Variants in PLA2G5 observed in about 807,000 individuals in gnomAD.
PLA2G5 encodes phospholipase A2 group V, also known as Ca2+-dependent phospholipase A2.
Under a neutral mutation model 15.9 loss-of-function variants are expected in PLA2G5, and 12 were observed. The ratio of observed to expected loss-of-function variants is 0.76; its 90% CI spans 0.48 to 1.23. PLA2G5 has a LOEUF of 1.23. Among genes scored for constraint, PLA2G5 ranks in the 50% most tolerant of loss-of-function variants. PLA2G5 has a pLI of 0.00. For synonymous variants in PLA2G5, 71 were observed against 71.4 expected, an observed-to-expected ratio of 0.99 and a Z score of 0.03; for missense variants, 169 against 177.1, an observed-to-expected ratio of 0.95 and a Z score of 0.26.
chr1:20,091,357 T>C lies in PLA2G5; in HGVS notation c.*665T>C, dbSNP rs1048613561. Among the ~76,000 whole-genome samples the C allele has an allele frequency of 6.6e-6, 1 of 152,178 alleles. No homozygotes were observed. Among genetic ancestry groups the C allele is most frequent in the Admixed American group, 6.5e-5 (1 of 15,274 alleles). On this transcript the variant is annotated 3_prime_UTR_variant, in exon 5 of 5. Coordinates refer to ENST00000375108, the MANE Select transcript of PLA2G5 (RefSeq NM_000929.3). ...TCTTACACCTTGGGGTCCTCTCCAG[T>C]ATTGGGTCTCATTCTTCCTCGATGG...
chr1:20,041,579 A>G (rs2013600768), intron 1 of PLA2G5, among the ~76,000 whole-genome samples: 1 of 152,206 alleles, frequency 6.6e-6, no homozygotes, highest in African/African-American at 2.4e-5. Flanking sequence ...AGACTAGCAG[A>G]TAGAACACTG....
intron 3 of PLA2G5, among the ~76,000 whole-genome samples, chr1:20,088,415 C>T (rs146878671): frequency 4.1e-3 from 601 of 147,882 alleles, no homozygotes; most frequent in African/African-American, 0.014. Flanking sequence ...CAGTGGGATC[C>T]TGGGACAGAA....
intron 1 of PLA2G5, among the ~76,000 whole-genome samples, chr1:20,029,707 G>A (rs907502493): frequency 1.3e-5 from 2 of 152,228 alleles, no homozygotes; most frequent in Non-Finnish European, 1.5e-5. Context: ...CAGCACTTAC[G>A]TATCAGTCCT....
intron 1 of PLA2G5, among the ~76,000 whole-genome samples, chr1:20,034,804 C>T (rs1000468890): frequency 1.3e-5 from 2 of 152,140 alleles, no homozygotes; most frequent in African/African-American, 4.8e-5. Context: ...ATTCTGAGTG[C>T]ATCCCCTAAG....
intron 1 of PLA2G5, among the ~76,000 whole-genome samples, chr1:20,047,271 C>T (rs983596263): frequency 2.0e-5 from 3 of 151,976 alleles, no homozygotes; most frequent in African/African-American, 7.3e-5. Flanking sequence ...AGTGGTGACA[C>T]ACTGTGGAGT....
At chr1:20,073,150 T>C (rs3767225) in intron 1 of PLA2G5, among the ~76,000 whole-genome samples, 51,265 of 152,006 alleles carry the variant, frequency 0.34, 9,632 homozygotes, top group Middle Eastern at 0.44. Flanking sequence ...ACATTAACCA[T>C]GTGGAAAAAC....
rs907792019 is a variant in PLA2G5, at chr1:20,090,723, A to T, written c.*31A>T. 9 of 1,612,254 alleles carry T rather than the reference A, an allele frequency of 5.6e-6. No homozygotes were observed. Among genetic ancestry groups the T allele is most frequent in the Non-Finnish European group, 7.6e-6 (9 of 1,178,596 alleles). ...CCCAGCGAGCTCCTCCCAGACCAAG[A>T]CTTTTGTTCTGTTTTTCTACAACAC... On this transcript the variant is annotated 3_prime_UTR_variant, in exon 5 of 5. Coordinates refer to ENST00000375108, the MANE Select transcript of PLA2G5 (RefSeq NM_000929.3).
At chr1:20,044,035 C>G (rs1173749360) in intron 1 of PLA2G5, among the ~76,000 whole-genome samples, 1 of 152,166 alleles carries the variant, frequency 6.6e-6, no homozygotes, top group Non-Finnish European at 1.5e-5. Flanking sequence ...GGAGTGGCTG[C>G]TGGGTGAGCT....
intron 1 of PLA2G5, among the ~76,000 whole-genome samples, chr1:20,056,802 C>T (rs559895196): frequency 1.3e-5 from 2 of 152,182 alleles, no homozygotes; most frequent in Non-Finnish European, 2.9e-5. Context: ...ATGATTTTTT[C>T]CTTAAATATT....
At chr1:20,085,875 C>T (rs2016260147) in intron 2 of PLA2G5, among the ~76,000 whole-genome samples, 1 of 152,190 alleles carries the variant, frequency 6.6e-6, no homozygotes, top group South Asian at 2.1e-4. Flanking sequence ...AGGATTTGAA[C>T]CCAGGTCTGC....
At chr1:20,045,288 G>A (rs1018534135) in intron 1 of PLA2G5, among the ~76,000 whole-genome samples, 1 of 152,164 alleles carries the variant, frequency 6.6e-6, no homozygotes, top group Non-Finnish European at 1.5e-5. Flanking sequence ...ACGGAGAGAA[G>A]TGGTTGGTGG....
intron 1 of PLA2G5, among the ~76,000 whole-genome samples, chr1:20,034,221 G>C (rs1364400735): frequency 2.0e-5 from 3 of 152,138 alleles, no homozygotes; most frequent in East Asian, 1.9e-4. Context: ...AGTTCAGCTA[G>C]GTCCTTGGTG....
intron 1 of PLA2G5, among the ~76,000 whole-genome samples, chr1:20,029,726 G>C (rs2012809177): frequency 6.6e-6 from 1 of 152,188 alleles, no homozygotes; most frequent in Non-Finnish European, 1.5e-5. Flanking sequence ...CTGCGAACAG[G>C]GGATGATGTG....
At chr1:20,051,021 GA>G (rs1043651281) in intron 1 of PLA2G5, among the ~76,000 whole-genome samples, 1 of 152,084 alleles carries the variant, frequency 6.6e-6, no homozygotes, top group African/African-American at 2.4e-5. Context: ...GAAATCATGG[GA>G]AACTTCTATA....
chr1:20,052,985 AC>A (rs1372275109), intron 1 of PLA2G5, among the ~76,000 whole-genome samples: 4 of 152,062 alleles, frequency 2.6e-5, no homozygotes, highest in Non-Finnish European at 2.9e-5. Context: ...GGGTAGTCCC[AC>A]CCTTCTGGAC....
chr1:20,063,683 G>C (rs896016711), intron 2 of PLA2G5: 2 of 152,198 alleles, frequency 1.3e-5, no homozygotes, highest in African/African-American at 4.8e-5. Context: ...GAATGAATAT[G>C]TTTAAAATAA....
intron 3 of PLA2G5, chr1:20,089,006 T>C (rs1410698254): frequency 5.3e-5 from 8 of 152,166 alleles, no homozygotes; most frequent in East Asian, 3.9e-4. Context: ...GGTTTCACCA[T>C]GTTGCCCAGG....
chr1:20,084,984 T>C (rs2016211722), intron 2 of PLA2G5, 114 bp downstream of exon 2: 1 of 784,712 alleles, frequency 1.3e-6, no homozygotes, highest in Non-Finnish European at 2.3e-6. Flanking sequence ...ATCTCGGCTC[T>C]GCACTGACTG....
chr1:20,079,422 A>G (rs1386122618), intron 1 of PLA2G5, among the ~76,000 whole-genome samples: 1 of 152,186 alleles, frequency 6.6e-6, no homozygotes, highest in Non-Finnish European at 1.5e-5. Context: ...CAGGACTTGG[A>G]GCTGATATAG....
Sources: allele counts gnomAD v4.1 joint callset (sites outside exome capture counted in the v4.1 genomes callset), GRCh38; gene constraint gnomAD v4.1.1; transcripts MANE v1.5; gene names NCBI Gene and HGNC (gene_info 2026-07-23, HGNC 2026-07-21).